KAZN: variants seen among roughly 807,000 people sequenced by gnomAD.
The protein encoded by KAZN is kazrin, periplakin interacting protein, also known as kazrin.
In KAZN, 40 loss-of-function variants were observed where a neutral mutation model predicts 87.4. That is an observed-to-expected ratio of 0.46 (90% CI 0.36 to 0.60). KAZN has a LOEUF of 0.60. Ranked by LOEUF, KAZN falls within the 20% of genes least tolerant of loss-of-function variation. The pLI is 0.00. For missense variants in KAZN, 898 were observed against 1,073.9 expected (o/e 0.84, Z 2.29); for synonymous variants, 466 against 458.3 (o/e 1.02, Z -0.22).
intron 1 of KAZN, among the ~76,000 whole-genome samples, chr1:14,066,243 A>G (rs549556233): frequency 1.3e-5 from 2 of 152,266 alleles, no homozygotes; most frequent in South Asian, 2.1e-4. Context: ...GGTTGGTTCC[A>G]TATCTTTGCA....
chr1:14,841,441 A>G (rs1647999052), intron 1 of KAZN, among the ~76,000 whole-genome samples: 1 of 139,998 alleles, frequency 7.1e-6, no homozygotes, highest in East Asian at 2.1e-4. Context: ...AAAAAAAAAA[A>G]GAAATGGAGC....
chr1:14,775,783 C>T (rs1328733556), intron 1 of KAZN, among the ~76,000 whole-genome samples: 1 of 152,220 alleles, frequency 6.6e-6, no homozygotes, highest in Non-Finnish European at 1.5e-5. Context: ...AGATACATGT[C>T]AGCCAGAGAG....
rs148693339 is a variant in KAZN at position 13,957,384 on chromosome 1, T to A, written c.91+63628T>A. ...AGCTAAGCAAGCTAAACTAAGATAA[T>A]TTGACAGTAATGAGTGCCCTTCAGA... On this transcript the variant is annotated intron_variant, in intron 1 of 16. Transcript: ENST00000636203. 1.7e-3 allele frequency among the ~76,000 whole-genome samples: 263 copies of A among 152,218 alleles called. 2 individuals carry two copies. The highest frequency in any genetic ancestry group is 5.6e-3 in the African/African-American group (232 of 41,534).
intron 1 of KAZN, among the ~76,000 whole-genome samples, chr1:14,925,224 T>TATCTCCCTTCCCCCTGCCCC (rs1553157299): frequency 5.9e-5 from 9 of 152,154 alleles, no homozygotes; most frequent in Non-Finnish European, 1.3e-4. Context: ...AGGCCTGCGC[T>TATCTCCCTTCCCCCTGCCCC]ATCTCCCTTC....
rs528070001 is a variant in KAZN at position 14,736,254 on chromosome 1, G to GGTGTGTGTGTGT, written c.226+137066_226+137077dup. ...TGTTGGGGCTCATGTGGGACTCAAG[G>GGTGTGTGTGTGT]GTGTGTGTGTGTGTGTGTGTGTGTG... On this transcript the variant is annotated intron_variant, in intron 1 of 14. Coordinates refer to ENST00000376030, the MANE Select transcript of KAZN (RefSeq NM_201628.3). 3.3e-3 allele frequency among the ~76,000 whole-genome samples: 375 copies of GGTGTGTGTGTGT among 115,270 alleles called. 3 individuals are homozygous for GGTGTGTGTGTGT. The highest frequency in any genetic ancestry group is 7.1e-3 in the South Asian group (22 of 3,102). The allele number at this position is 115,270 out of a possible 152,430, so 75.6% of individuals were successfully genotyped here. A position where few individuals can be genotyped will look rare whatever the true frequency, so the allele number is the denominator to read the frequency against.
intron 1 of KAZN, among the ~76,000 whole-genome samples, chr1:14,933,400 G>A (rs1660074558): frequency 1.3e-5 from 2 of 151,914 alleles, no homozygotes; most frequent in Non-Finnish European, 2.9e-5. Context: ...GCCAGGTTCT[G>A]CAGTTTTAAC....
At chr1:14,058,059 G>A (rs1206846969) in intron 1 of KAZN, among the ~76,000 whole-genome samples, 1 of 152,040 alleles carries the variant, frequency 6.6e-6, no homozygotes, top group East Asian at 1.9e-4. Context: ...TTTGGGGCTT[G>A]GGGACAAATC....
At chr1:14,372,576 T>C (rs77225069) in intron 2 of KAZN, among the ~76,000 whole-genome samples, 1,704 of 152,310 alleles carry the variant, frequency 0.011, 29 homozygotes, top group African/African-American at 0.038. Context: ...ACATGCCCCA[T>C]GCGGGAGAGG....
At chr1:14,576,793 C>CA (rs146870825) in intron 2 of KAZN, among the ~76,000 whole-genome samples, 28 of 147,890 alleles carry the variant, frequency 1.9e-4, no homozygotes, top group South Asian at 4.3e-4. Flanking sequence ...GGTACGTTAC[C>CA]AAAAAAAAAG....
At chr1:15,071,246 T>TA (rs1178222284) in intron 8 of KAZN, among the ~76,000 whole-genome samples, 1 of 151,932 alleles carries the variant, frequency 6.6e-6, no homozygotes, top group African/African-American at 2.4e-5. Context: ...TTTCTCTTTT[T>TA]ATTTTTCTTT....
chr1:15,033,132 T>A (rs2102239859), intron 2 of KAZN, among the ~76,000 whole-genome samples: 1 of 152,200 alleles, frequency 6.6e-6, no homozygotes, highest in Middle Eastern at 3.4e-3. Flanking sequence ...TATGAGGGGA[T>A]TGTGTAGGTT....
At chr1:14,578,761 G>A (rs140184148) in intron 2 of KAZN, among the ~76,000 whole-genome samples, 1 of 152,072 alleles carries the variant, frequency 6.6e-6, no homozygotes, top group Admixed American at 6.6e-5. Flanking sequence ...AAAATATACT[G>A]ATATTAATAT....
intron 1 of KAZN, among the ~76,000 whole-genome samples, chr1:14,634,462 C>A (rs1052676373): frequency 3.9e-5 from 6 of 152,326 alleles, no homozygotes; most frequent in African/African-American, 1.4e-4. Context: ...CTAGCTGCAT[C>A]TGGAAGCCTG....
intron 1 of KAZN, among the ~76,000 whole-genome samples, chr1:14,874,643 C>T (rs946511256): frequency 6.6e-6 from 1 of 152,176 alleles, no homozygotes; most frequent in African/African-American, 2.4e-5. Flanking sequence ...TGTGCCAGAA[C>T]CAAAAGCTGT....
At chr1:14,915,153 C>G (rs952034651) in intron 1 of KAZN, among the ~76,000 whole-genome samples, 2 of 152,130 alleles carry the variant, frequency 1.3e-5, no homozygotes, top group African/African-American at 2.4e-5. Context: ...TGCCATTGCA[C>G]TCCAGCCTGG....
At chr1:14,696,885 A>C (rs1430498714) in intron 1 of KAZN, among the ~76,000 whole-genome samples, 1 of 152,202 alleles carries the variant, frequency 6.6e-6, no homozygotes, top group Non-Finnish European at 1.5e-5. Context: ...GACAAGGCTA[A>C]GAAACAGTGA....
Position 14,182,197 on chromosome 1 carries a change from C to T in KAZN, c.249+1605C>T, listed in dbSNP as rs559550392. On this transcript the variant is annotated intron_variant, in intron 2 of 16. Coordinates refer to the KAZN transcript ENST00000636203. ...TCTCCTGATCCCAAATCGATGACTGCTAGAATGTTCTCCTTTAAATGGCCA... is the reference window on the plus strand; with the variant it reads ...TCTCCTGATCCCAAATCGATGACTGTTAGAATGTTCTCCTTTAAATGGCCA... Among the ~76,000 whole-genome samples, 8 of 152,146 alleles carry T rather than the reference C, an allele frequency of 5.3e-5. No individual in the cohort carries two copies. In the South Asian group the frequency reaches 1.7e-3, roughly 32 times the overall value.
intron 1 of KAZN, among the ~76,000 whole-genome samples, chr1:14,671,645 T>A (rs997041005): frequency 1.3e-5 from 2 of 152,222 alleles, no homozygotes; most frequent in African/African-American, 4.8e-5. Context: ...CCATCCTTTT[T>A]TTTTTAAAGG....
At chr1:14,712,295 A>T (rs4661515) in intron 1 of KAZN, among the ~76,000 whole-genome samples, 102,232 of 151,952 alleles carry the variant, frequency 0.67, 34,703 homozygotes, top group East Asian at 0.79. Context: ...CCTGAGATGC[A>T]GATGGCCTGG....
Sources: allele counts gnomAD v4.1 joint callset (sites outside exome capture counted in the v4.1 genomes callset), GRCh38; gene constraint gnomAD v4.1.1; transcripts MANE v1.5; gene names NCBI Gene and HGNC (gene_info 2026-07-23, HGNC 2026-07-21).